The following AKT3 variants were observed in gnomAD, a reference collection of about 807,000 sequenced individuals.
AKT3 encodes the protein RAC-gamma serine/threonine-protein kinase.
AKT3 carries 15 observed loss-of-function variants against 65.3 expected under a neutral mutation model. The ratio of observed to expected loss-of-function variants is 0.23; its 90% confidence interval spans 0.15 to 0.35. The LOEUF (loss-of-function observed/expected upper bound fraction) is 0.35, where lower values mean the gene tolerates loss of function less well. Among genes scored for constraint, AKT3 ranks in the 10% least tolerant of loss-of-function variants. The pLI is 1.00. For missense variants in AKT3, 243 were observed against 576.5 expected, an observed-to-expected ratio of 0.42 and a Z score of 5.92; for synonymous variants, 206 against 183.8, an observed-to-expected ratio of 1.12 and a Z score of -0.98.
intron 9 of AKT3, among the ~76,000 whole-genome samples, chr1:243,564,742 C>T (rs756254046): frequency 6.6e-6 from 1 of 152,084 alleles, no homozygotes; most frequent in Non-Finnish European, 1.5e-5. Context: ...TAAAACTTTG[C>T]CTAGTCATGT....
rs755232002 is a variant in AKT3 at position 243,502,915 on chromosome 1, T to C, written c.*2334A>G. On this transcript the variant is annotated 3_prime_UTR_variant, in exon 14 of 14. Coordinates refer to ENST00000673466, the MANE Select transcript of AKT3 (RefSeq NM_005465.7). The stretch of plus-strand genomic sequence containing the variant: ...AAAAAACCAAAACAACAAAAAGCTG[T>C]GTGCTTAGTGTTCGGTGTCATGCTT... The C allele has an allele frequency of 2.7e-4, 62 of 233,308 alleles. No homozygotes were observed. Among genetic ancestry groups the C allele is most frequent in the Non-Finnish European group, 4.0e-4 (47 of 118,044 alleles). 14.5% of individuals were successfully genotyped at this position (233,308 alleles called of 1,614,324 possible).
chr1:243,682,848 C>A (rs905459021), intron 3 of AKT3, among the ~76,000 whole-genome samples: 1 of 152,150 alleles, frequency 6.6e-6, no homozygotes, highest in Non-Finnish European at 1.5e-5. Flanking sequence ...TCCAAACAAT[C>A]TCAATGTCCA....
At position 243,587,877 on chromosome 1, in the gene AKT3, T is replaced by C. The variant is rs541138407; in HGVS notation, c.697-14829A>G. On this transcript the variant is annotated intron_variant, in intron 8 of 13. Coordinates refer to ENST00000673466, the MANE Select transcript of AKT3 (RefSeq NM_005465.7). ...AGTGAAAAGTCAACAGGACTGAACT[T>C]ACCCAACTGCCCTAAACATTTGATG... Among the ~76,000 whole-genome samples the C allele has an allele frequency of 3.3e-5, 5 of 152,300 alleles. No individual in the cohort carries two copies. The East Asian group carries it at 9.6e-4, about 29-fold the overall frequency.
In AKT3 at chr1:243,512,411, T is replaced by C; in HGVS notation, c.1267A>G (p.Lys423Glu). 1 of 1,574,416 alleles carries C rather than the reference T, an allele frequency of 6.4e-7. No individual in the cohort carries two copies. Among genetic ancestry groups the C allele is most frequent in the Non-Finnish European group, 8.7e-7 (1 of 1,154,004 alleles). The part of the protein sequence containing the change: ...VYDKKLVPPF[K>E]PQVTSETDTR... ...TCTGTCTCAGATGTTACTTGAGGTT[T>C]AAAAGGAGGTACAAGCTGTAAAAAG... The change falls in exon 13 of 14, where the codon AAA (lysine) becomes GAA (glutamate). Residue 423 changes from lysine to glutamate, a missense_variant. Physicochemically the swap from Lys to Glu is moderately conservative, Grantham distance 56. This residue lies in a region of AKT3 where 57 missense variants were observed against 107.6 expected (regional missense o/e 0.53). Transcript: ENST00000673466.
intron 4 of AKT3, among the ~76,000 whole-genome samples, chr1:243,649,426 T>C (rs539931152): frequency 2.7e-5 from 4 of 150,728 alleles, no homozygotes; most frequent in South Asian, 4.3e-4. Flanking sequence ...CACACATACA[T>C]ACACACTTTA....
chr1:243,517,810 A>G (rs1670461405), intron 12 of AKT3, among the ~76,000 whole-genome samples: 2 of 152,236 alleles, frequency 1.3e-5, no homozygotes, highest in Non-Finnish European at 2.9e-5. Flanking sequence ...TATTGATACG[A>G]GTAAGATTAA....
At chr1:243,644,719 T>C (rs1033485436) in intron 5 of AKT3, among the ~76,000 whole-genome samples, 4 of 152,134 alleles carry the variant, frequency 2.6e-5, no homozygotes, top group Admixed American at 2.6e-4. Context: ...TATTTTGAAT[T>C]TGGGGTTCAA....
chr1:243,672,438 A>G (rs1683217399), intron 3 of AKT3, among the ~76,000 whole-genome samples: 2 of 152,248 alleles, frequency 1.3e-5, no homozygotes, highest in African/African-American at 2.4e-5. Context: ...TTTGCGTTTT[A>G]TCACCCAAAC....
At chr1:243,581,732 A>G (rs1398006225) in intron 8 of AKT3, among the ~76,000 whole-genome samples, 1 of 152,082 alleles carries the variant, frequency 6.6e-6, no homozygotes, top group Non-Finnish European at 1.5e-5. Flanking sequence ...CTCTACAGAA[A>G]TGGTCCCTAA....
intron 2 of AKT3, among the ~76,000 whole-genome samples, chr1:243,776,355 C>A (rs1298871974): frequency 6.6e-6 from 1 of 152,138 alleles, no homozygotes; most frequent in African/African-American, 2.4e-5. Context: ...AAACGCTAAC[C>A]CCCTAGTGTG....
chr1:243,554,779 CCT>C (rs201160982), intron 10 of AKT3, among the ~76,000 whole-genome samples: 1 of 151,910 alleles, frequency 6.6e-6, no homozygotes, highest in East Asian at 1.9e-4. Context: ...TGGTTTTTAA[CCT>C]CTTTTTTTTT....
intron 3 of AKT3, among the ~76,000 whole-genome samples, chr1:243,684,869 A>T (rs546492516): frequency 6.6e-6 from 1 of 152,304 alleles, no homozygotes; most frequent in East Asian, 1.9e-4. Context: ...GTGGGATGGT[A>T]TCTCATTGTG....
intron 9 of AKT3, among the ~76,000 whole-genome samples, chr1:243,565,807 T>G (rs186240773): frequency 6.6e-6 from 1 of 152,326 alleles, no homozygotes; most frequent in Admixed American, 6.5e-5. Context: ...AAGTATATAC[T>G]AAAGCTTCTG....
chr1:243,704,956 C>T (rs1685701510), intron 2 of AKT3, among the ~76,000 whole-genome samples: 1 of 152,070 alleles, frequency 6.6e-6, no homozygotes, highest in Non-Finnish European at 1.5e-5. Context: ...GTCAATGTTG[C>T]CACTGCAGCT....
chr1:243,711,622 T>C (rs1686164063), intron 2 of AKT3, among the ~76,000 whole-genome samples: 1 of 152,172 alleles, frequency 6.6e-6, no homozygotes, highest in Non-Finnish European at 1.5e-5. Context: ...AGCTCTAGAC[T>C]TGCACATAAC....
intron 4 of AKT3, among the ~76,000 whole-genome samples, chr1:243,649,398 T>C (rs987602855): frequency 6.7e-5 from 10 of 149,494 alleles, no homozygotes; most frequent in Non-Finnish European, 7.4e-5. Flanking sequence ...ATGTTATGTG[T>C]ATATATATAT....
intron 4 of AKT3, among the ~76,000 whole-genome samples, chr1:243,648,032 C>T (rs976898082): frequency 2.0e-5 from 3 of 151,888 alleles, no homozygotes; most frequent in African/African-American, 4.8e-5. Flanking sequence ...CTGAGGTGGG[C>T]GGATTACCTG....
At chr1:243,819,513 G>A (rs530502139) in intron 2 of AKT3, among the ~76,000 whole-genome samples, 16 of 152,268 alleles carry the variant, frequency 1.1e-4, no homozygotes, top group South Asian at 2.1e-4. Flanking sequence ...CAGCCCCTGC[G>A]GGGAGAGGCA....
intron 3 of AKT3, among the ~76,000 whole-genome samples, chr1:243,679,178 C>A (rs1683742540): frequency 6.6e-6 from 1 of 152,150 alleles, no homozygotes; most frequent in Non-Finnish European, 1.5e-5. Context: ...GCATGTAATA[C>A]ACAAAATATG....
Sources: gnomAD v4.1 joint callset for allele counts (sites outside exome capture counted in the v4.1 genomes callset) on GRCh38, gnomAD v4.1.1 for gene constraint, gnomAD v4.1.1 regional missense constraint, MANE v1.5 for transcripts, NCBI Gene and HGNC (gene_info 2026-07-23, HGNC 2026-07-21) for gene names.